Variants in GLG1 observed in about 807,000 individuals in gnomAD.
GLG1 encodes the protein golgi glycoprotein 1.
In GLG1, 38 loss-of-function variants were observed where a neutral mutation model predicts 160.5. The observed-to-expected ratio is 0.24, with a 90% CI of 0.18 to 0.31. The LOEUF (loss-of-function observed/expected upper bound fraction) is 0.31, where lower values mean the gene tolerates loss of function less well. Ranked by LOEUF, GLG1 falls within the 10% of genes least tolerant of loss-of-function variation. GLG1 has a pLI of 1.00. For synonymous variants in GLG1, 644 were observed against 543.4 expected, an observed-to-expected ratio of 1.19 and a Z score of -2.57; for missense variants, 1,373 against 1,505.2, an observed-to-expected ratio of 0.91 and a Z score of 1.45.
intron 1 of GLG1, among the ~76,000 whole-genome samples, chr16:74,558,024 C>T (rs2143724923): frequency 6.6e-6 from 1 of 152,270 alleles, no homozygotes; most frequent in East Asian, 1.9e-4. Flanking sequence ...ATAAGGAAAG[C>T]AGTAAAACCC....
chr16:74,486,446 T>C (rs2015788429), intron 8 of GLG1, among the ~76,000 whole-genome samples: 2 of 152,194 alleles, frequency 1.3e-5, no homozygotes, highest in Admixed American at 1.3e-4. Flanking sequence ...AAAAACAGGA[T>C]TATGGTATTT....
intron 1 of GLG1, among the ~76,000 whole-genome samples, chr16:74,543,022 G>A (rs1362522200): frequency 1.3e-5 from 2 of 151,904 alleles, no homozygotes; most frequent in South Asian, 2.1e-4. Flanking sequence ...CCCCAGACCC[G>A]AGTACCTGCA....
chr16:74,583,224 A>G (rs1012800889), intron 1 of GLG1, among the ~76,000 whole-genome samples: 3 of 152,202 alleles, frequency 2.0e-5, no homozygotes, highest in African/African-American at 4.8e-5. Context: ...CCCCAACTAT[A>G]GCCTTATAAG....
chr16:74,512,498 C>T (rs1007230833), intron 2 of GLG1, among the ~76,000 whole-genome samples: 7 of 151,970 alleles, frequency 4.6e-5, no homozygotes, highest in African/African-American at 1.2e-4. Context: ...CTCCTGACCT[C>T]GTGATCTGCT....
chr16:74,512,791 G>C (rs1372340465), intron 2 of GLG1, among the ~76,000 whole-genome samples: 3 of 152,134 alleles, frequency 2.0e-5, no homozygotes, highest in Non-Finnish European at 4.4e-5. Flanking sequence ...AATATAGTGT[G>C]ATAAATGTGA....
chr16:74,579,074 T>C (rs1463940950), intron 1 of GLG1, among the ~76,000 whole-genome samples: 1 of 152,118 alleles, frequency 6.6e-6, no homozygotes, highest in African/African-American at 2.4e-5. Context: ...GCTGAGAAGT[T>C]AAATTCATAA....
chr16:74,503,030 A>G (rs1380429665), intron 4 of GLG1, among the ~76,000 whole-genome samples: 2 of 148,106 alleles, frequency 1.4e-5, no homozygotes, highest in Non-Finnish European at 3.0e-5. Flanking sequence ...GACATGGCGA[A>G]ACCCCAGCTC....
At chr16:74,456,522 T>G in intron 25 of GLG1, 127 bp downstream of exon 25, 1 of 696,524 alleles carries the variant, frequency 1.4e-6, no homozygotes, top group Non-Finnish European at 2.5e-6. Flanking sequence ...CAGTGCGATA[T>G]CTAAAAGAGG....
At chr16:74,603,390 C>A (rs1171516292) in intron 1 of GLG1, among the ~76,000 whole-genome samples, 1 of 137,486 alleles carries the variant, frequency 7.3e-6, no homozygotes, top group Non-Finnish European at 1.5e-5. Context: ...AGCCTGGCAA[C>A]AGAATAAGAC....
At chr16:74,497,880 T>C (rs2016256788) in intron 4 of GLG1, among the ~76,000 whole-genome samples, 1 of 152,222 alleles carries the variant, frequency 6.6e-6, no homozygotes, top group Admixed American at 6.5e-5. Flanking sequence ...ACGTTGATGT[T>C]CTGGATTTAT....
At chr16:74,455,679 G>A (rs2014509391) in intron 25 of GLG1, among the ~76,000 whole-genome samples, 1 of 152,192 alleles carries the variant, frequency 6.6e-6, no homozygotes, top group Admixed American at 6.5e-5. Flanking sequence ...CCAGGAAGGA[G>A]GGGTGGTCCT....
intron 17 of GLG1, chr16:74,468,681 T>G (rs1274489660): frequency 2.2e-6 from 1 of 446,456 alleles, no homozygotes; most frequent in African/African-American, 2.0e-5. Flanking sequence ...AGGACATTAC[T>G]GATCCAGTGA....
At chr16:74,553,829 T>C (rs2018278467) in intron 1 of GLG1, among the ~76,000 whole-genome samples, 1 of 152,202 alleles carries the variant, frequency 6.6e-6, no homozygotes, top group South Asian at 2.1e-4. Context: ...TCAGTTATTG[T>C]ATTCTGCTAT....
chr16:74,504,924 G>C (rs190871216), intron 3 of GLG1, among the ~76,000 whole-genome samples: 9 of 152,172 alleles, frequency 5.9e-5, no homozygotes, highest in Admixed American at 5.2e-4. Flanking sequence ...AGAATTATAA[G>C]CTTAAATTAT....
At chr16:74,524,442 G>A (rs933565531) in intron 2 of GLG1, among the ~76,000 whole-genome samples, 2 of 151,824 alleles carry the variant, frequency 1.3e-5, no homozygotes, top group African/African-American at 4.8e-5. Context: ...TCCCTTCTAG[G>A]GTGGGTGCTA....
chr16:74,595,543 G>C (rs1466402047), intron 1 of GLG1, among the ~76,000 whole-genome samples: 3 of 151,956 alleles, frequency 2.0e-5, no homozygotes, highest in Non-Finnish European at 2.9e-5. Flanking sequence ...TCTCAAAAAA[G>C]AAAGTACTGA....
chr16:74,505,710 C>T (rs2016572238), intron 3 of GLG1, among the ~76,000 whole-genome samples: 1 of 152,152 alleles, frequency 6.6e-6, no homozygotes, highest in Admixed American at 6.5e-5. Flanking sequence ...AAAAAATTAG[C>T]CAGGTGTGGC....
At chr16:74,509,894 C>T (rs2016746613) in intron 2 of GLG1, among the ~76,000 whole-genome samples, 1 of 151,976 alleles carries the variant, frequency 6.6e-6, no homozygotes, top group African/African-American at 2.4e-5. Context: ...CACTGTGCTG[C>T]CAGGCTGGTC....
chr16:74,474,819 T>A (rs2015339895), intron 12 of GLG1, among the ~76,000 whole-genome samples, 187 bp from the exon 13 acceptor site: 1 of 152,124 alleles, frequency 6.6e-6, no homozygotes, highest in African/African-American at 2.4e-5. Context: ...GAAAAGATAA[T>A]TACTTCATGT....
Sources: gnomAD v4.1 joint callset for allele counts (sites outside exome capture counted in the v4.1 genomes callset) on GRCh38, gnomAD v4.1.1 for gene constraint, MANE v1.5 for transcripts, NCBI Gene and HGNC (gene_info 2026-07-23, HGNC 2026-07-21) for gene names.